Variants in MALRD1 observed in about 807,000 individuals in gnomAD.
MALRD1 encodes the protein MAM and LDL-receptor class A domain-containing protein 1.
In MALRD1, 247 loss-of-function variants were observed where a neutral mutation model predicts 242.1. The observed-to-expected ratio is 1.02, with a 90% confidence interval of 0.92 to 1.13. MALRD1 has a LOEUF of 1.13. MALRD1 is among the 50% of genes most tolerant of loss of function. The probability of loss-of-function intolerance (pLI) is 0.00; values close to 1 mark genes in which losing one functional copy is unlikely to be tolerated. For missense variants in MALRD1, 2,989 were observed against 2,533.1 expected (o/e 1.18, Z -3.86); for synonymous variants, 995 against 866.6 (o/e 1.15, Z -2.60).
At chr10:19,592,767 G>GCGCGCGCA (rs1554808926) in intron 33 of MALRD1, among the ~76,000 whole-genome samples, 1 of 104,598 alleles carries the variant, frequency 9.6e-6, no homozygotes, top group Non-Finnish European at 2.0e-5. Context: ...ACACACGCAC[G>GCGCGCGCA]CACACACACA....
At position 19,555,314 on chromosome 10, in the gene MALRD1, G is replaced by A. The variant is rs1013886360; in HGVS notation, c.5479-12188G>A. Among the ~76,000 whole-genome samples, 6 of 152,042 alleles carry A rather than the reference G, an allele frequency of 3.9e-5. 1 individual carries two copies. Among genetic ancestry groups the A allele is most frequent in the Admixed American group, 3.9e-4 (6 of 15,244 alleles). ...CACATTTCAACATGAGATTTGGAGG[G>A]GACAAACATCTAAACCCCATCAAAA... On this transcript the variant is annotated intron_variant, in intron 32 of 39. Coordinates refer to ENST00000454679, the MANE Select transcript of MALRD1 (RefSeq NM_001142308.3).
chr10:19,612,041 G>T (rs538825866), intron 35 of MALRD1, among the ~76,000 whole-genome samples: 8 of 151,880 alleles, frequency 5.3e-5, no homozygotes, highest in Non-Finnish European at 8.8e-5. Flanking sequence ...CCCAAAAATG[G>T]TCAGCACTCC....
intron 36 of MALRD1, among the ~76,000 whole-genome samples, chr10:19,690,101 T>C (rs1038540695): frequency 1.4e-4 from 22 of 152,200 alleles, no homozygotes; most frequent in Middle Eastern, 3.4e-3. Flanking sequence ...TATTCATTTT[T>C]CTCTAAAATC....
At chr10:19,732,550 ACTGTAC>A (rs1472606461) in intron 39 of MALRD1, among the ~76,000 whole-genome samples, 6 of 152,346 alleles carry the variant, frequency 3.9e-5, no homozygotes, top group African/African-American at 1.2e-4. Flanking sequence ...GGCGTGAGCC[ACTGTAC>A]CTGGCCAGAA....
rs117835154 is a variant in MALRD1, at chr10:19,665,175, T to G, written c.6138-27107T>G. On this transcript the variant is annotated intron_variant, in intron 36 of 39. Transcript: ENST00000454679. ...AGCTCCGTGATGAGTAACTCAGAGG[T>G]GGTTAGAATTTAGGCTTACATAGCA... is the stretch of plus-strand genomic sequence containing the variant. Among the ~76,000 whole-genome samples the G allele has an allele frequency of 2.6e-3, 397 of 152,128 alleles. 7 individuals carry two copies. In the East Asian group the frequency reaches 0.059, roughly 23 times the overall value.
chr10:19,406,350 C>G (rs1468660453), intron 28 of MALRD1, among the ~76,000 whole-genome samples: 4 of 152,184 alleles, frequency 2.6e-5, no homozygotes, highest in African/African-American at 9.6e-5. Context: ...CTTTTCTGAA[C>G]AGGAGTTTTC....
Position 19,733,709 on chromosome 10 carries a change from T to TTA in MALRD1, c.6391-435_6391-434dup, listed in dbSNP as rs749103036. On this transcript the variant is annotated intron_variant, in intron 39 of 39. Transcript: ENST00000454679. ...CCTATAGAATTTCCCACGTTTTATA[T>TTA]TATATATATATATAATATATATAAT... 7.6e-4 allele frequency among the ~76,000 whole-genome samples: 112 copies of TTA among 147,420 alleles called. 2 individuals carry two copies. The highest frequency in any genetic ancestry group is 7.0e-3 in the East Asian group (36 of 5,116).
At chr10:19,287,843 C>G (rs973954538) in intron 21 of MALRD1, among the ~76,000 whole-genome samples, 1 of 152,022 alleles carries the variant, frequency 6.6e-6, no homozygotes, top group East Asian at 1.9e-4. Context: ...AGTTGTTCAG[C>G]TTGTTTTTTA....
At chr10:19,599,781 A>C (rs1838267720) in intron 34 of MALRD1, among the ~76,000 whole-genome samples, 1 of 152,076 alleles carries the variant, frequency 6.6e-6, no homozygotes, top group Non-Finnish European at 1.5e-5. Context: ...TAGAGTGAGA[A>C]GGGAGTACTT....
At chr10:19,165,837 T>G in intron 13 of MALRD1, 27 bp downstream of exon 13, 1 of 1,228,638 alleles carries the variant, frequency 8.1e-7, no homozygotes, top group African/African-American at 1.6e-5. Flanking sequence ...TTAATACAAC[T>G]CAACAGAAGA....
chr10:19,476,302 T>C (rs191349833), intron 29 of MALRD1, among the ~76,000 whole-genome samples: 1 of 152,326 alleles, frequency 6.6e-6, no homozygotes, highest in East Asian at 1.9e-4. Context: ...CCTGTTATTC[T>C]GTCTTTGATC....
In MALRD1 at chr10:19,128,320, G is replaced by A. The variant is rs1053086026; in HGVS notation, c.1043G>A (p.Ser348Asn). Residue 348 changes from serine (S) to asparagine (N), a missense_variant, in exon 8 of 40, where the codon AGC (serine) becomes AAC (asparagine). Physicochemically the swap from Ser to Asn is conservative, Grantham distance 46. Transcript: ENST00000454679. ...TCTGTGTGTCATTGCCTGGGCAAGA[G>A]CTGTCATCTTCAATTCTATTATGCA... ...NSSVCHCLGK[S>N]CHLQFYYAME... 2 of 1,233,352 alleles carry A rather than the reference G, an allele frequency of 1.6e-6. No individual in the cohort carries two copies. Among genetic ancestry groups the A allele is most frequent in the African/African-American group, 3.1e-5 (2 of 64,472 alleles). 76.4% of individuals were successfully genotyped at this position (1,233,352 alleles called of 1,614,324 possible).
chr10:19,605,283 T>C (rs1460789520), intron 34 of MALRD1, among the ~76,000 whole-genome samples: 1 of 151,612 alleles, frequency 6.6e-6, no homozygotes, highest in Non-Finnish European at 1.5e-5. Context: ...GTCTCCCAAG[T>C]AGCTGGCACT....
intron 28 of MALRD1, among the ~76,000 whole-genome samples, chr10:19,436,868 A>T (rs1026363907): frequency 1.3e-5 from 2 of 152,168 alleles, no homozygotes; most frequent in Non-Finnish European, 2.9e-5. Flanking sequence ...TTACAGTATT[A>T]TACAGAAAAG....
chr10:19,288,234 T>G (rs1011991137), intron 21 of MALRD1, among the ~76,000 whole-genome samples: 1 of 152,098 alleles, frequency 6.6e-6, no homozygotes, highest in Non-Finnish European at 1.5e-5. Context: ...GATACAGGCA[T>G]GCAATGTATA....
At chr10:19,363,668 TAAG>T (rs1242289834) in intron 26 of MALRD1, among the ~76,000 whole-genome samples, 1 of 152,058 alleles carries the variant, frequency 6.6e-6, no homozygotes, top group African/African-American at 2.4e-5. Context: ...AGGCAATAAA[TAAG>T]AAGCAACTGG....
chr10:19,554,178 A>G (rs1283766177), intron 32 of MALRD1, among the ~76,000 whole-genome samples: 2 of 152,110 alleles, frequency 1.3e-5, no homozygotes, highest in East Asian at 3.9e-4. Context: ...GAAGTTGAGT[A>G]GTTTATAAAG....
chr10:19,079,346 G>T (rs1470999959), intron 2 of MALRD1, among the ~76,000 whole-genome samples: 1 of 151,640 alleles, frequency 6.6e-6, no homozygotes, highest in Non-Finnish European at 1.5e-5. Context: ...GAACATACTT[G>T]TATGATTTGT....
intron 31 of MALRD1, among the ~76,000 whole-genome samples, chr10:19,502,718 A>T (rs1445210845): frequency 6.6e-6 from 1 of 152,192 alleles, no homozygotes; most frequent in Admixed American, 6.5e-5. Flanking sequence ...GTTAGATATT[A>T]TCTGCCATAA....
Sources: gnomAD v4.1 joint callset for allele counts (sites outside exome capture counted in the v4.1 genomes callset) on GRCh38, gnomAD v4.1.1 for gene constraint, MANE v1.5 for transcripts, NCBI Gene and HGNC (gene_info 2026-07-23, HGNC 2026-07-21) for gene names.